The following NLGN1 variants were observed in gnomAD, a reference collection of about 807,000 sequenced individuals.
NLGN1 encodes the protein neuroligin-1.
NLGN1 carries 12 observed loss-of-function variants against 65.5 expected under a neutral mutation model. The observed-to-expected ratio is 0.18, with a 90% CI of 0.12 to 0.30. The LOEUF (loss-of-function observed/expected upper bound fraction) is 0.30. Among genes scored for constraint, NLGN1 ranks in the 10% least tolerant of loss-of-function variants. The pLI, the probability that NLGN1 is intolerant of heterozygous loss-of-function variation, is 1.00. For synonymous variants in NLGN1, 350 were observed against 359.5 expected (o/e 0.97, Z 0.30); for missense variants, 750 against 1,007.1 (o/e 0.74, Z 3.46).
At chr3:173,752,328 C>T (rs899155325) in intron 3 of NLGN1, among the ~76,000 whole-genome samples, 5 of 152,110 alleles carry the variant, frequency 3.3e-5, no homozygotes, top group South Asian at 2.1e-4. Flanking sequence ...TCTTTTTGCC[C>T]TCTGCCCTAT....
intron 3 of NLGN1, among the ~76,000 whole-genome samples, chr3:173,680,836 C>A (rs892958717): frequency 3.3e-5 from 5 of 152,142 alleles, no homozygotes; most frequent in African/African-American, 1.2e-4. Flanking sequence ...ACGTTCTGAA[C>A]AAAGAACTAA....
At chr3:174,046,650 A>G (rs565785058) in intron 4 of NLGN1, among the ~76,000 whole-genome samples, 138 of 152,268 alleles carry the variant, frequency 9.1e-4, no homozygotes, top group African/African-American at 3.1e-3. Context: ...CCTAAGGATT[A>G]TACCTTGGAA....
intron 4 of NLGN1, among the ~76,000 whole-genome samples, chr3:174,055,646 C>T (rs1379923796): frequency 1.3e-5 from 2 of 151,988 alleles, no homozygotes; most frequent in Non-Finnish European, 2.9e-5. Context: ...TGCCATATAC[C>T]ATGTTTGGCC....
chr3:173,760,497 C>A (rs923997720), intron 3 of NLGN1, among the ~76,000 whole-genome samples: 5 of 151,870 alleles, frequency 3.3e-5, no homozygotes, highest in African/African-American at 7.2e-5. Flanking sequence ...TTTAGAAGTT[C>A]TTGCGACAGT....
At chr3:173,877,955 A>G (rs1049249755) in intron 4 of NLGN1, among the ~76,000 whole-genome samples, 3 of 152,148 alleles carry the variant, frequency 2.0e-5, no homozygotes, top group African/African-American at 4.8e-5. Context: ...ACTCTTAACT[A>G]CTGTTATATG....
chr3:174,022,944 T>A (rs1728059223), intron 4 of NLGN1, among the ~76,000 whole-genome samples: 1 of 152,160 alleles, frequency 6.6e-6, no homozygotes, highest in Admixed American at 6.6e-5. Context: ...GCTGTAGATT[T>A]AGGATTTGAG....
intron 4 of NLGN1, among the ~76,000 whole-genome samples, chr3:173,845,913 C>T (rs1383822949): frequency 6.6e-6 from 1 of 151,870 alleles, no homozygotes; most frequent in Non-Finnish European, 1.5e-5. Flanking sequence ...CACCTTTGTA[C>T]TTATTTATGT....
chr3:173,557,965 A>G (rs1741984074), intron 2 of NLGN1, among the ~76,000 whole-genome samples: 1 of 152,036 alleles, frequency 6.6e-6, no homozygotes, highest in Non-Finnish European at 1.5e-5. Flanking sequence ...TTTATGTAAA[A>G]ATGTCTTTAA....
chr3:174,211,301 G>C (rs1361438689), intron 4 of NLGN1, among the ~76,000 whole-genome samples: 1 of 152,148 alleles, frequency 6.6e-6, no homozygotes, highest in African/African-American at 2.4e-5. Flanking sequence ...CTGATTGGTA[G>C]AGCCGAGTGG....
At chr3:174,218,237 C>T (rs1351495916) in intron 4 of NLGN1, among the ~76,000 whole-genome samples, 2 of 151,950 alleles carry the variant, frequency 1.3e-5, no homozygotes, top group East Asian at 3.9e-4. Flanking sequence ...ATTGATTACC[C>T]TTTACCTTCC....
chr3:173,752,864 C>CT (rs2150163507), intron 3 of NLGN1, among the ~76,000 whole-genome samples: 1 of 152,198 alleles, frequency 6.6e-6, no homozygotes, highest in South Asian at 2.1e-4. Context: ...CAGCTGTTTA[C>CT]TTTGCTTCCC....
the NLGN1 span, among the ~76,000 whole-genome samples, chr3:174,292,909 A>G: frequency 2.0e-5 from 3 of 151,494 alleles, no homozygotes; most frequent in Admixed American, 6.6e-5. Flanking sequence ...CAGAAAATAC[A>G]TAGGTACAGG....
intron 2 of NLGN1, among the ~76,000 whole-genome samples, chr3:173,465,031 T>C (rs536061115): frequency 6.6e-6 from 1 of 152,338 alleles, no homozygotes; most frequent in South Asian, 2.1e-4. Flanking sequence ...AATTCACCTG[T>C]AGATGCTTAA....
downstream of NLGN1, among the ~76,000 whole-genome samples, chr3:174,290,850 A>G (rs890837442): frequency 1.3e-4 from 19 of 151,042 alleles, no homozygotes; most frequent in Admixed American, 1.1e-3. Context: ...ATCAGAACAA[A>G]AAGAATAGAA....
chr3:174,035,636 C>G (rs1730964432), intron 4 of NLGN1, among the ~76,000 whole-genome samples: 1 of 152,192 alleles, frequency 6.6e-6, no homozygotes, highest in Non-Finnish European at 1.5e-5. Flanking sequence ...AATGAAGCTC[C>G]TGCCTTGGTG....
intron 3 of NLGN1, among the ~76,000 whole-genome samples, chr3:173,705,907 A>T (rs938416754): frequency 6.6e-6 from 1 of 152,204 alleles, no homozygotes; most frequent in Non-Finnish European, 1.5e-5. Flanking sequence ...TGAAAGATCA[A>T]ATACAAACCA....
chr3:173,563,638 T>C (rs999496738), intron 2 of NLGN1, among the ~76,000 whole-genome samples: 6 of 152,242 alleles, frequency 3.9e-5, no homozygotes, highest in Non-Finnish European at 5.9e-5. Flanking sequence ...TGTGATAATA[T>C]TCTGCAACAA....
intron 4 of NLGN1, among the ~76,000 whole-genome samples, chr3:173,865,122 A>G (rs549088896): frequency 8.5e-5 from 13 of 152,298 alleles, no homozygotes; most frequent in African/African-American, 3.1e-4. Flanking sequence ...GTCAAAGTGA[A>G]TGCTACTCAC....
At chr3:173,496,413 T>A (rs1366186796) in intron 2 of NLGN1, among the ~76,000 whole-genome samples, 1 of 151,906 alleles carries the variant, frequency 6.6e-6, no homozygotes, top group Non-Finnish European at 1.5e-5. Flanking sequence ...AATATTAAAA[T>A]TTATATTTAT....
Sources: allele counts gnomAD v4.1 joint callset (sites outside exome capture counted in the v4.1 genomes callset), GRCh38; gene constraint gnomAD v4.1.1; transcripts MANE v1.5; gene names NCBI Gene and HGNC (gene_info 2026-07-23, HGNC 2026-07-21).